Variants in ATP10A observed in about 807,000 individuals in gnomAD.
ATP10A encodes the protein phospholipid-transporting ATPase VA.
In ATP10A, 111 loss-of-function variants were observed where a neutral mutation model predicts 147.8. The ratio of observed to expected loss-of-function variants is 0.75; its 90% CI spans 0.64 to 0.88. The LOEUF (loss-of-function observed/expected upper bound fraction) is 0.88. Ranked by LOEUF, ATP10A falls within the 40% of genes least tolerant of loss-of-function variation. The probability of loss-of-function intolerance (pLI) is 0.00; values close to 1 mark genes in which losing one functional copy is unlikely to be tolerated. For synonymous variants in ATP10A, 875 were observed against 841.6 expected (o/e 1.04, Z -0.69); for missense variants, 1,927 against 1,959.0 (o/e 0.98, Z 0.31).
intron 3 of ATP10A, among the ~76,000 whole-genome samples, chr15:25,730,895 T>G (rs1902943253): frequency 6.6e-6 from 1 of 152,232 alleles, no homozygotes; most frequent in African/African-American, 2.4e-5. Context: ...TATAAATATG[T>G]CAACTAAAGG....
intron 2 of ATP10A, among the ~76,000 whole-genome samples, chr15:25,742,775 C>A (rs1197184532): frequency 6.6e-6 from 1 of 152,182 alleles, no homozygotes. Context: ...CAAATTCAAA[C>A]CTAGATGAGG....
At position 25,688,097 on chromosome 15, in the gene ATP10A, TA is replaced by T; in HGVS notation, c.3166-270del. The T allele has an allele frequency of 6.4e-6, 3 of 471,274 alleles. No homozygotes were observed. In the South Asian group the frequency reaches 7.1e-5, roughly 11 times the overall value. 29.2% of individuals were successfully genotyped at this position (471,274 alleles called of 1,614,324 possible). On this transcript the variant is annotated intron_variant, in intron 15 of 20. Coordinates refer to ENST00000555815, the MANE Select transcript of ATP10A (RefSeq NM_024490.4). ...TCAAATATGTGTCACTAATGGGGTTTAAAAGGTTTTCTTTTTTCCTGCTGTT... is the reference window on the plus strand; with the variant it reads ...TCAAATATGTGTCACTAATGGGGTTTAAAGGTTTTCTTTTTTCCTGCTGTT...
At chr15:25,729,554 G>A (rs986868859) in intron 3 of ATP10A, among the ~76,000 whole-genome samples, 3 of 152,306 alleles carry the variant, frequency 2.0e-5, no homozygotes, top group East Asian at 1.9e-4. Context: ...GTGTGCGCCT[G>A]TGAGTGTCCC....
chr15:25,684,209 G>A (rs1188748976), intron 16 of ATP10A, among the ~76,000 whole-genome samples: 2 of 152,212 alleles, frequency 1.3e-5, no homozygotes, highest in Non-Finnish European at 2.9e-5. Context: ...GCTCACTGGG[G>A]TGGGAGCAAG....
chr15:25,810,719 C>T (rs1257543113), intron 1 of ATP10A, among the ~76,000 whole-genome samples: 1 of 152,122 alleles, frequency 6.6e-6, no homozygotes, highest in Admixed American at 6.5e-5. Flanking sequence ...GAGCCCAGGG[C>T]TGCCCAGGTT....
At chr15:25,745,758 G>T (rs1047214641) in intron 2 of ATP10A, among the ~76,000 whole-genome samples, 2 of 152,124 alleles carry the variant, frequency 1.3e-5, no homozygotes, top group South Asian at 2.1e-4. Context: ...AGAATAAAAA[G>T]ATGTTTTTTG....
chr15:25,785,800 G>A (rs1044882662), intron 1 of ATP10A, among the ~76,000 whole-genome samples: 5 of 152,186 alleles, frequency 3.3e-5, no homozygotes, highest in African/African-American at 4.8e-5. Flanking sequence ...AGAGGACATC[G>A]TTGAATGGGC....
intron 1 of ATP10A, among the ~76,000 whole-genome samples, chr15:25,790,385 G>A (rs527611236): frequency 6.6e-6 from 1 of 152,332 alleles, no homozygotes; most frequent in East Asian, 1.9e-4. Context: ...GCACATGTGT[G>A]CATGGAGCAG....
chr15:25,810,005 G>C (rs890891523), intron 1 of ATP10A, among the ~76,000 whole-genome samples: 2 of 122,756 alleles, frequency 1.6e-5, no homozygotes, highest in Non-Finnish European at 3.6e-5. Flanking sequence ...ACGGGAAGAA[G>C]GTCATTACAA....
At chr15:25,728,746 C>G (rs563255047) in intron 3 of ATP10A, among the ~76,000 whole-genome samples, 53 of 152,336 alleles carry the variant, frequency 3.5e-4, no homozygotes, top group African/African-American at 1.2e-3. Context: ...TTCACTGTGA[C>G]ACTGACTTTT....
chr15:25,854,715 T>G (rs772891260), intron 1 of ATP10A, among the ~76,000 whole-genome samples: 2 of 152,192 alleles, frequency 1.3e-5, no homozygotes, highest in African/African-American at 2.4e-5. Context: ...GTTGAATTCT[T>G]CCAAGGATTT....
chr15:25,816,323 C>A (rs1891653553), intron 1 of ATP10A, among the ~76,000 whole-genome samples: 1 of 151,946 alleles, frequency 6.6e-6, no homozygotes, highest in Non-Finnish European at 1.5e-5. Context: ...CTTGGCCTCC[C>A]AAAGTGCTGG....
chr15:25,688,188 C>G (rs747152775), intron 15 of ATP10A, among the ~76,000 whole-genome samples: 1 of 152,182 alleles, frequency 6.6e-6, no homozygotes, highest in Non-Finnish European at 1.5e-5. Context: ...CCCCGGATGT[C>G]ATTTTCCTCT....
intron 12 of ATP10A, among the ~76,000 whole-genome samples, chr15:25,704,486 C>G (rs764469058): frequency 6.6e-6 from 1 of 152,146 alleles, no homozygotes; most frequent in South Asian, 2.1e-4. Flanking sequence ...AAGGCCTTGC[C>G]GGAAACTCCA....
At chr15:25,776,708 C>A (rs943110679) in intron 2 of ATP10A, among the ~76,000 whole-genome samples, 10 of 152,342 alleles carry the variant, frequency 6.6e-5, no homozygotes, top group African/African-American at 1.2e-4. Context: ...TAGGCCTCGC[C>A]TTCAGATTCT....
chr15:25,772,045 C>T (rs959332674), intron 2 of ATP10A, among the ~76,000 whole-genome samples: 6 of 152,164 alleles, frequency 3.9e-5, no homozygotes, highest in African/African-American at 1.4e-4. Flanking sequence ...AGCCATCGCG[C>T]CCGGCCTGAA....
intron 1 of ATP10A, among the ~76,000 whole-genome samples, chr15:25,845,974 GC>G (rs1893009062): frequency 6.6e-6 from 1 of 152,188 alleles, no homozygotes; most frequent in African/African-American, 2.4e-5. Flanking sequence ...AATGGTGTCC[GC>G]CTCAGAAAGG....
rs1889713528 is a variant in ATP10A at position 25,778,148 on chromosome 15, G to A, written c.654+2871C>T. On this transcript the variant is annotated intron_variant, in intron 2 of 20. Coordinates refer to ENST00000555815, the MANE Select transcript of ATP10A (RefSeq NM_024490.4). ...CAGCCCGCTCTTCTCCTTAACCTAA[G>A]CGTTGCAAATCACTTCTAATTTAAG... 2.0e-5 allele frequency among the ~76,000 whole-genome samples: 3 copies of A among 151,904 alleles called. No individual in the cohort carries two copies. In the South Asian group the frequency reaches 6.2e-4, roughly 31 times the overall value.
chr15:25,817,835 C>T (rs1008347395), intron 1 of ATP10A, among the ~76,000 whole-genome samples: 1 of 152,030 alleles, frequency 6.6e-6, no homozygotes, highest in Non-Finnish European at 1.5e-5. Flanking sequence ...GAAGATGAAA[C>T]GGTTTAAAGA....
Sources: allele counts gnomAD v4.1 joint callset (sites outside exome capture counted in the v4.1 genomes callset), GRCh38; gene constraint gnomAD v4.1.1; transcripts MANE v1.5; gene names NCBI Gene and HGNC (gene_info 2026-07-23, HGNC 2026-07-21).